The following STXBP5L variants were observed in gnomAD, a reference collection of about 807,000 sequenced individuals.
STXBP5L encodes syntaxin-binding protein 5-like.
STXBP5L carries 65 observed loss-of-function variants against 144.5 expected under a neutral mutation model. The ratio of observed to expected loss-of-function variants is 0.45; its 90% confidence interval spans 0.37 to 0.55. STXBP5L has a LOEUF of 0.55. STXBP5L is among the 20% of genes least tolerant of loss of function. The pLI, the probability that STXBP5L is intolerant of heterozygous loss-of-function variation, is 0.00. For synonymous variants in STXBP5L, 505 were observed against 469.6 expected (o/e 1.08, Z -0.97); for missense variants, 1,298 against 1,405.5 (o/e 0.92, Z 1.22).
At chr3:121,157,437 G>C in intron 8 of STXBP5L, 67 bp from the exon 9 acceptor site, 2 of 1,426,792 alleles carry the variant, frequency 1.4e-6, no homozygotes, top group Non-Finnish European at 1.9e-6. Context: ...TTTTTCTTTG[G>C]AATATAGAAT....
chr3:121,259,000 T>A, intron 17 of STXBP5L, 43 bp from the exon 18 acceptor site: 1 of 1,497,876 alleles, frequency 6.7e-7, no homozygotes, highest in Non-Finnish European at 9.0e-7. Context: ...TTTGACCATG[T>A]TTATTTAAGC....
At chr3:121,391,717 T>A (rs2046590232) in intron 22 of STXBP5L, among the ~76,000 whole-genome samples, 1 of 152,214 alleles carries the variant, frequency 6.6e-6, no homozygotes, top group Admixed American at 6.5e-5. Context: ...CAGCAGAAGC[T>A]GCAGAACAGC....
At chr3:121,035,921 G>T (rs1157936516) in intron 3 of STXBP5L, among the ~76,000 whole-genome samples, 1 of 152,068 alleles carries the variant, frequency 6.6e-6, no homozygotes. Context: ...AGCTTTCAGT[G>T]AACAGGTCTT....
chr3:121,034,481 A>G (rs1279299543), intron 3 of STXBP5L, among the ~76,000 whole-genome samples: 5 of 152,094 alleles, frequency 3.3e-5, no homozygotes, highest in Non-Finnish European at 5.9e-5. Flanking sequence ...ATGGCTGAAT[A>G]GTATTCCATT....
chr3:121,263,051 A>G (rs1214014218), intron 18 of STXBP5L, among the ~76,000 whole-genome samples: 1 of 152,206 alleles, frequency 6.6e-6, no homozygotes, highest in Non-Finnish European at 1.5e-5. Context: ...GGGTCGACAG[A>G]CACCTCATAC....
Position 121,045,451 on chromosome 3 carries a change from C to G in STXBP5L, c.386C>G (p.Ala129Gly), listed in dbSNP as rs1175373053. Residue 129 changes from alanine to glycine, a missense_variant, in exon 5 of 27, where the codon GCA becomes GGA. Coordinates refer to ENST00000471454, the MANE Select transcript of STXBP5L (RefSeq NM_001308330.2). Reference sequence around the variant, plus strand: ...TTGTTCTAGGGTGCCTTGGTCAGTGCAAGTTCAGATGATACACTTCATTTG... The same window carrying G: ...TTGTTCTAGGGTGCCTTGGTCAGTGGAAGTTCAGATGATACACTTCATTTG... Reference protein sequence around the residue: ...FLINEGALVSASSDDTLHLWN... With the variant: ...FLINEGALVSGSSDDTLHLWN... 3.1e-6 allele frequency: 5 copies of G among 1,612,482 alleles called. No homozygotes were observed. The highest frequency in any genetic ancestry group is 3.3e-4 in the Middle Eastern group (2 of 6,050).
chr3:121,386,806 G>A (rs1487046834), intron 22 of STXBP5L, among the ~76,000 whole-genome samples: 9 of 152,132 alleles, frequency 5.9e-5, no homozygotes, highest in Non-Finnish European at 1.2e-4. Context: ...GTCTGTCACC[G>A]ATGGACATTT....
At chr3:121,046,490 G>A (rs1947524548) in intron 5 of STXBP5L, among the ~76,000 whole-genome samples, 1 of 151,946 alleles carries the variant, frequency 6.6e-6, no homozygotes, top group Non-Finnish European at 1.5e-5. Context: ...TTCTTGTCCT[G>A]GGTCCTTTAT....
intron 20 of STXBP5L, among the ~76,000 whole-genome samples, chr3:121,375,071 C>T (rs1395431064): frequency 6.6e-6 from 1 of 152,076 alleles, no homozygotes; most frequent in African/African-American, 2.4e-5. Context: ...TTACCAGGTA[C>T]AGAGTACTTA....
Position 121,240,440 on chromosome 3 carries a change from G to A in STXBP5L, c.1333G>A (p.Glu445Lys). Reference sequence around the variant, plus strand: ...TATTCTTTCTGGATAATCTGTTTAGGAGTGGCCAATCAGTGGAGGAGCTTG... The same window carrying A: ...TATTCTTTCTGGATAATCTGTTTAGAAGTGGCCAATCAGTGGAGGAGCTTG... The part of the protein sequence containing the change: ...KHKKQGYSNK[E>K]WPISGGAWNL... Residue 445 changes from glutamate to lysine, a missense_variant and splice_region_variant, in exon 14 of 27, where the codon GAG becomes AAG. By Grantham distance (56) the Glu-to-Lys change is moderately conservative (BLOSUM62 1). Coordinates refer to ENST00000471454, the MANE Select transcript of STXBP5L (RefSeq NM_001308330.2). 1 of 1,613,060 alleles carries A rather than the reference G, an allele frequency of 6.2e-7. No homozygotes were observed. Among genetic ancestry groups the A allele is most frequent in the Non-Finnish European group, 8.5e-7 (1 of 1,179,450 alleles).
intron 11 of STXBP5L, among the ~76,000 whole-genome samples, chr3:121,227,092 T>G (rs1019219025): frequency 6.6e-6 from 1 of 152,200 alleles, no homozygotes; most frequent in African/African-American, 2.4e-5. Context: ...AATATTCATT[T>G]ATAGCTTCTG....
chr3:121,051,196 G>A (rs1947959417), intron 5 of STXBP5L, among the ~76,000 whole-genome samples: 1 of 152,014 alleles, frequency 6.6e-6, no homozygotes, highest in Admixed American at 6.6e-5. Context: ...AGTTAACAAG[G>A]ATACCCAGGA....
intron 3 of STXBP5L, among the ~76,000 whole-genome samples, chr3:120,966,712 G>A (rs1576512269): frequency 6.6e-6 from 1 of 152,244 alleles, no homozygotes; most frequent in South Asian, 2.1e-4. Flanking sequence ...TGAGGTGTTG[G>A]CCCCTACTGG....
intron 3 of STXBP5L, among the ~76,000 whole-genome samples, chr3:120,976,423 A>T (rs1488806547): frequency 1.3e-5 from 2 of 151,238 alleles, no homozygotes; most frequent in South Asian, 2.1e-4. Context: ...TGTCTATTTG[A>T]TTCTTCTCTC....
chr3:121,073,343 C>G (rs572808987), intron 5 of STXBP5L, among the ~76,000 whole-genome samples: 4 of 152,302 alleles, frequency 2.6e-5, no homozygotes, highest in African/African-American at 9.6e-5. Context: ...GGTTAGATAG[C>G]CAGTGATGCC....
intron 3 of STXBP5L, among the ~76,000 whole-genome samples, chr3:121,033,344 T>A (rs1428752198): frequency 1.1e-4 from 12 of 111,540 alleles, no homozygotes; most frequent in African/African-American, 3.9e-4. Context: ...CACCGCATAT[T>A]CTCACTCATA....
chr3:121,396,957 T>C (rs933108955), intron 22 of STXBP5L, among the ~76,000 whole-genome samples: 3 of 152,250 alleles, frequency 2.0e-5, no homozygotes, highest in African/African-American at 7.2e-5. Context: ...GAACCACATA[T>C]GAAGAATCAG....
chr3:121,114,008 A>T (rs1304868571), intron 5 of STXBP5L, among the ~76,000 whole-genome samples: 1 of 152,094 alleles, frequency 6.6e-6, no homozygotes, highest in Non-Finnish European at 1.5e-5. Context: ...AGACAATATC[A>T]TATTGGAAAT....
chr3:121,193,396 T>C (rs1453873741), intron 9 of STXBP5L, among the ~76,000 whole-genome samples: 1 of 143,762 alleles, frequency 7.0e-6, no homozygotes. Flanking sequence ...AGTTCAGCCA[T>C]TGTGGAAGAC....
Sources: gnomAD v4.1 joint callset for allele counts (sites outside exome capture counted in the v4.1 genomes callset) on GRCh38, gnomAD v4.1.1 for gene constraint, MANE v1.5 for transcripts, NCBI Gene and HGNC (gene_info 2026-07-23, HGNC 2026-07-21) for gene names.